Variants in GPC6 observed in about 807,000 individuals in gnomAD.
GPC6 encodes glypican 6.
In GPC6, 14 loss-of-function variants were observed where a neutral mutation model predicts 55.2. That is an observed-to-expected ratio of 0.25 (90% CI 0.17 to 0.40). GPC6 has a LOEUF of 0.40. Ranked by LOEUF, GPC6 falls within the 10% of genes least tolerant of loss-of-function variation. The probability of loss-of-function intolerance (pLI) is 1.00; values close to 1 mark genes in which losing one functional copy is unlikely to be tolerated. For synonymous variants in GPC6, 278 were observed against 259.6 expected, an observed-to-expected ratio of 1.07 and a Z score of -0.68; for missense variants, 641 against 708.5, an observed-to-expected ratio of 0.90 and a Z score of 1.08.
At chr13:94,072,068 T>A (rs1226913411) in intron 4 of GPC6, among the ~76,000 whole-genome samples, 1 of 152,182 alleles carries the variant, frequency 6.6e-6, no homozygotes, top group African/African-American at 2.4e-5. Flanking sequence ...GTTTAGTGAA[T>A]TATTTTCCTC....
At chr13:93,323,598 G>A (rs1299898709) in intron 1 of GPC6, among the ~76,000 whole-genome samples, 2 of 152,122 alleles carry the variant, frequency 1.3e-5, no homozygotes, top group African/African-American at 4.8e-5. Flanking sequence ...TGCCTGTGTG[G>A]CTCTTCTTCA....
chr13:93,713,142 A>C (rs1883131209), intron 2 of GPC6, among the ~76,000 whole-genome samples: 1 of 151,760 alleles, frequency 6.6e-6, no homozygotes, highest in Middle Eastern at 3.5e-3. Context: ...ATGGAGGTGC[A>C]AAAACACATT....
At chr13:93,313,214 CA>C (rs1383089305) in intron 1 of GPC6, among the ~76,000 whole-genome samples, 9 of 152,078 alleles carry the variant, frequency 5.9e-5, no homozygotes, top group Non-Finnish European at 1.0e-4. Context: ...AGAATAAAAA[CA>C]ACTCAAACCA....
chr13:93,750,943 G>A (rs569249805), intron 2 of GPC6, among the ~76,000 whole-genome samples: 3 of 152,098 alleles, frequency 2.0e-5, no homozygotes, highest in Non-Finnish European at 4.4e-5. Context: ...AATCCGGAGA[G>A]GTCTCTGTCT....
At chr13:93,697,531 T>A (rs572297964) in intron 2 of GPC6, among the ~76,000 whole-genome samples, 53 of 152,324 alleles carry the variant, frequency 3.5e-4, no homozygotes, top group Admixed American at 1.0e-3. Flanking sequence ...TTCTGTCGGT[T>A]TTTGCTGTTG....
intron 4 of GPC6, among the ~76,000 whole-genome samples, chr13:94,270,992 T>C (rs1891981701): frequency 1.6e-5 from 2 of 122,422 alleles, no homozygotes; most frequent in Non-Finnish European, 3.4e-5. Context: ...TTTTTTTTTT[T>C]TTTTTTTTTT....
chr13:93,931,312 G>C (rs1267374540), intron 3 of GPC6, among the ~76,000 whole-genome samples: 1 of 151,986 alleles, frequency 6.6e-6, no homozygotes, highest in Non-Finnish European at 1.5e-5. Context: ...GTTGGATAAA[G>C]GGGTGGAGGT....
chr13:93,489,640 A>C (rs1447702096), intron 1 of GPC6, among the ~76,000 whole-genome samples: 1 of 151,444 alleles, frequency 6.6e-6, no homozygotes, highest in African/African-American at 2.4e-5. Context: ...GTCCTCTTTT[A>C]TTTTGTTGAG....
chr13:93,974,588 G>A (rs1184099226), intron 3 of GPC6, among the ~76,000 whole-genome samples: 3 of 152,066 alleles, frequency 2.0e-5, no homozygotes, highest in Non-Finnish European at 4.4e-5. Context: ...TGGAACTTGG[G>A]CTATTTTATT....
intron 3 of GPC6, chr13:94,025,325 T>C (rs1255261082): frequency 2.6e-5 from 4 of 152,084 alleles, no homozygotes; most frequent in Admixed American, 6.6e-5. Context: ...GTTTGCAAGA[T>C]AGCAACCATG....
chr13:93,641,377 T>G (rs907039853), intron 2 of GPC6, among the ~76,000 whole-genome samples: 1 of 152,124 alleles, frequency 6.6e-6, no homozygotes, highest in South Asian at 2.1e-4. Context: ...CTGTGTTCAC[T>G]GTATTCTGAC....
intron 1 of GPC6, 132 bp from the exon 2 acceptor site, chr13:93,545,130 GT>G: frequency 1.3e-6 from 1 of 763,822 alleles, no homozygotes. Flanking sequence ...CCCAGATAGA[GT>G]TCATGGGGAT....
chr13:93,946,835 C>A (rs1879032723), intron 3 of GPC6, among the ~76,000 whole-genome samples: 1 of 152,136 alleles, frequency 6.6e-6, no homozygotes, highest in Non-Finnish European at 1.5e-5. Context: ...GCTTATTACA[C>A]ATTTAAATGA....
chr13:93,267,673 G>A (rs978477020), intron 1 of GPC6, among the ~76,000 whole-genome samples: 1 of 152,114 alleles, frequency 6.6e-6, no homozygotes, highest in Non-Finnish European at 1.5e-5. Flanking sequence ...GTAGGACTAA[G>A]ATATTTTATA....
rs149551275 is a variant in GPC6, at chr13:94,123,742, G to A, written c.877+95848G>A. ...GGGGAGGGGGTAAGATAGTTATAAT[G>A]CATGTTGTGATTTATTGGATACTAA... On this transcript the variant is annotated intron_variant, in intron 4 of 8. Transcript: ENST00000377047. 3.1e-3 allele frequency among the ~76,000 whole-genome samples: 473 copies of A among 151,988 alleles called. 4 individuals carry two copies. The highest frequency in any genetic ancestry group is 0.011 in the African/African-American group (459 of 41,478).
chr13:93,555,050 C>T (rs184124735), intron 2 of GPC6, among the ~76,000 whole-genome samples: 5 of 152,240 alleles, frequency 3.3e-5, no homozygotes, highest in South Asian at 2.1e-4. Flanking sequence ...AGCAGGAAAT[C>T]GGGGCTCCAA....
At chr13:93,572,268 A>G (rs2139476072) in intron 2 of GPC6, among the ~76,000 whole-genome samples, 1 of 152,270 alleles carries the variant, frequency 6.6e-6, no homozygotes, top group African/African-American at 2.4e-5. Context: ...GGTGCTTTTT[A>G]TTTTTAACTT....
At chr13:93,286,156 G>A (rs1878117018) in intron 1 of GPC6, among the ~76,000 whole-genome samples, 1 of 152,102 alleles carries the variant, frequency 6.6e-6, no homozygotes, top group African/African-American at 2.4e-5. Flanking sequence ...TACAACCCTG[G>A]CAGAAGGCAC....
At chr13:93,799,539 G>T (rs1018672120) in intron 2 of GPC6, among the ~76,000 whole-genome samples, 5 of 152,092 alleles carry the variant, frequency 3.3e-5, no homozygotes, top group Non-Finnish European at 5.9e-5. Flanking sequence ...AATTGAATTG[G>T]TCTAAACTAA....
Sources: gnomAD v4.1 joint callset for allele counts (sites outside exome capture counted in the v4.1 genomes callset) on GRCh38, gnomAD v4.1.1 for gene constraint, MANE v1.5 for transcripts, NCBI Gene and HGNC (gene_info 2026-07-23, HGNC 2026-07-21) for gene names.